The following GRID2IP variants were observed in gnomAD, a reference collection of about 807,000 sequenced individuals.
GRID2IP encodes delphilin.
GRID2IP carries 78 observed loss-of-function variants against 114.3 expected under a neutral mutation model. The observed-to-expected ratio is 0.68, with a 90% CI of 0.57 to 0.82. The LOEUF (loss-of-function observed/expected upper bound fraction) is 0.82, where lower values mean the gene tolerates loss of function less well. GRID2IP is among the 40% of genes least tolerant of loss of function. The pLI, the probability that GRID2IP is intolerant of heterozygous loss-of-function variation, is 0.00. For synonymous variants in GRID2IP, 809 were observed against 724.0 expected (o/e 1.12, Z -1.89); for missense variants, 1,727 against 1,678.5 (o/e 1.03, Z -0.51).
intron 2 of GRID2IP, among the ~76,000 whole-genome samples, chr7:6,538,626 C>G (rs777940107): frequency 2.6e-5 from 4 of 151,988 alleles, no homozygotes; most frequent in Non-Finnish European, 5.9e-5. Flanking sequence ...GTCTGTAATC[C>G]ACACACTTTG....
chr7:6,524,848 C>G (rs965737984), intron 4 of GRID2IP, among the ~76,000 whole-genome samples: 7 of 151,766 alleles, frequency 4.6e-5, no homozygotes, highest in Non-Finnish European at 8.8e-5. Context: ...TCCCGAGTAG[C>G]TGGGACTACA....
Position 6,520,593 on chromosome 7 carries a change from C to T in GRID2IP, c.1253G>A (p.Ser418Asn), listed in dbSNP as rs532236538. Residue 418 changes from serine (S) to asparagine (N), a missense_variant, in exon 7 of 22, where the codon AGC becomes AAC. By Grantham distance (46) the Ser-to-Asn change is conservative (BLOSUM62 1). Transcript: ENST00000457091. The surrounding 1 kb of genome is among the most constrained non-coding windows in gnomAD (Gnocchi z 4.6). ...GCCCGGCCACCTGTGCTGGAAGAAG[C>T]TCTCGAGGGCCCGGCAGACCCCATA... ...ERYGVCRALE[S>N]FFQHRNIDTL... is the part of the protein sequence containing the mutation. 16 of 1,551,206 alleles carry T rather than the reference C, an allele frequency of 1.0e-5. No homozygotes were observed. The East Asian group carries it at 3.9e-4, about 38-fold the overall frequency.
At position 6,523,864 on chromosome 7, in the gene GRID2IP, G is replaced by A. The variant is rs1779457684; in HGVS notation, c.920-1907C>T. On this transcript the variant is annotated intron_variant, in intron 4 of 21. Transcript: ENST00000457091. The surrounding 1 kb of genome is among the most constrained non-coding windows in gnomAD (Gnocchi z 4.5). ...CAAGGCCCTAGGCCAGGTATCTCTG[G>A]CTACACATGTGGGAGAGACTGGGAG... 1.3e-5 allele frequency among the ~76,000 whole-genome samples: 2 copies of A among 152,178 alleles called. No homozygotes were observed. Among genetic ancestry groups the A allele is most frequent in the Non-Finnish European group, 2.9e-5 (2 of 68,038 alleles).
At chr7:6,542,391 C>T (rs1224014227) in intron 1 of GRID2IP, among the ~76,000 whole-genome samples, 2 of 151,506 alleles carry the variant, frequency 1.3e-5, no homozygotes, top group Non-Finnish European at 2.9e-5. Context: ...CAATGGTTCA[C>T]ACCTGTAATC....
At chr7:6,501,747 A>G (rs1312487296) in intron 20 of GRID2IP, 34 bp downstream of exon 20, 2 of 1,489,042 alleles carry the variant, frequency 1.3e-6, no homozygotes, top group East Asian at 4.9e-5. Flanking sequence ...CCCAGGATCC[A>G]GCCTGGTGCA....
rs1786673312 is a variant in GRID2IP at position 6,508,814 on chromosome 7, G to A, written c.2127+144C>T. The A allele has an allele frequency of 7.7e-7, 1 of 1,301,438 alleles. No homozygotes were observed. Among genetic ancestry groups the A allele is most frequent in the East Asian group, 2.6e-5 (1 of 38,736 alleles). 80.6% of individuals were successfully genotyped at this position (1,301,438 alleles called of 1,614,324 possible). A position where few individuals can be genotyped will look rare whatever the true frequency, so the allele number is the denominator to read the frequency against. On this transcript the variant is annotated intron_variant, in intron 12 of 21. Transcript: ENST00000457091. The surrounding 1 kb of genome is among the most constrained non-coding windows in gnomAD (Gnocchi z 5.6). ...ATAGGGTAACCTGGGGCAAGGGGTGGGATAGCTTGAGCTAGGGAGTGGGAT... is the reference window on the plus strand; with the variant it reads ...ATAGGGTAACCTGGGGCAAGGGGTGAGATAGCTTGAGCTAGGGAGTGGGAT...
At chr7:6,513,174 G>T (rs993015224) in intron 8 of GRID2IP, among the ~76,000 whole-genome samples, 1 of 152,118 alleles carries the variant, frequency 6.6e-6, no homozygotes, top group African/African-American at 2.4e-5. Flanking sequence ...ATGTGGTCGT[G>T]TGCTCATGAT....
At chr7:6,543,419 T>C (rs1779842479) in intron 1 of GRID2IP, among the ~76,000 whole-genome samples, 1 of 150,682 alleles carries the variant, frequency 6.6e-6, no homozygotes, top group Non-Finnish European at 1.5e-5. Context: ...GCCCCCTTTG[T>C]AGTCAAGGCC....
At chr7:6,503,199 C>T in intron 16 of GRID2IP, 36 bp from the exon 17 acceptor site, 1 of 1,402,268 alleles carries the variant, frequency 7.1e-7, no homozygotes, top group Non-Finnish European at 9.4e-7. Flanking sequence ...CACCCATCCC[C>T]TTCCTGGGAC....
In GRID2IP at chr7:6,498,236, G is replaced by A. The variant is rs1248513617; in HGVS notation, c.3400-8C>T. 1 of 1,533,708 alleles carries A rather than the reference G, an allele frequency of 6.5e-7. No homozygotes were observed. On this transcript the variant is annotated splice_region_variant and splice_polypyrimidine_tract_variant and intron_variant, in intron 20 of 21. Coordinates refer to ENST00000457091, the MANE Select transcript of GRID2IP (RefSeq NM_001145118.2). ...GGCCGTCTCCAGGAAGGACTGACAG[G>A]CCTCAGTTAAGGAAACAGCCAGCCC...
rs1033341081 is a variant in GRID2IP at position 6,509,416 on chromosome 7, G to A, written c.1772-103C>T. 26 of 1,065,102 alleles carry A rather than the reference G, an allele frequency of 2.4e-5. No individual in the cohort carries two copies. The Admixed American group carries it at 8.6e-4, about 35-fold the overall frequency. 66.0% of individuals were successfully genotyped at this position (1,065,102 alleles called of 1,614,324 possible). A position where few individuals can be genotyped will look rare whatever the true frequency, so the allele number is the denominator to read the frequency against. On this transcript the variant is annotated intron_variant, in intron 11 of 21. Coordinates refer to ENST00000457091, the MANE Select transcript of GRID2IP (RefSeq NM_001145118.2). This position sits in a 1 kb window ranked among gnomAD's most constrained non-coding sequence, Gnocchi z 4.9. ...AGGACAGACTGGCTCTGTGTCCCAG[G>A]CCACTCTCCTTTCCCTCTCTGGGCA... is the stretch of plus-strand genomic sequence containing the variant.
At position 6,551,015 on chromosome 7, in the gene GRID2IP, C is replaced by G. The variant is rs1269032791; in HGVS notation, c.422G>C (p.Ser141Thr). 3 of 1,150,274 alleles carry G rather than the reference C, an allele frequency of 2.6e-6. No homozygotes were observed. The African/African-American group carries it at 4.9e-5, about 19-fold the overall frequency. The allele number at this position is 1,150,274 out of a possible 1,614,324, so 71.3% of individuals were successfully genotyped here. A position where few individuals can be genotyped will look rare whatever the true frequency, so the allele number is the denominator to read the frequency against. Residue 141 changes from serine to threonine, a missense_variant, in exon 1 of 22, where the codon AGC becomes ACC. Ser to Thr is a moderately conservative substitution (Grantham distance 58). Coordinates refer to ENST00000457091, the MANE Select transcript of GRID2IP (RefSeq NM_001145118.2). Reference protein sequence around the residue: ...RERRRKAQEFSRKVDEILGDQ... With the variant: ...RERRRKAQEFTRKVDEILGDQ... Reference sequence around the variant, plus strand: ...CCCACCCCCGCGCCTTACCTTGCGGCTGAACTCTTGGGCCTTGCGCCTGCG... The same window carrying G: ...CCCACCCCCGCGCCTTACCTTGCGGGTGAACTCTTGGGCCTTGCGCCTGCG...
At chr7:6,518,063 TAAAAA>T (rs759501165) in intron 7 of GRID2IP, among the ~76,000 whole-genome samples, 1 of 134,028 alleles carries the variant, frequency 7.5e-6, no homozygotes, top group Admixed American at 7.6e-5. Context: ...CTGTCTCTAC[TAAAAA>T]AAAAAAAAAA....
At chr7:6,505,100 T>A (rs1786538029) in intron 14 of GRID2IP, among the ~76,000 whole-genome samples, 1 of 152,056 alleles carries the variant, frequency 6.6e-6, no homozygotes, top group Non-Finnish European at 1.5e-5. Context: ...GGAAGCCAGG[T>A]CTTTCTGTTC....
chr7:6,526,411 C>T lies in GRID2IP; in HGVS notation c.834-102G>A, dbSNP rs1409643936. The T allele has an allele frequency of 6.6e-7, 1 of 1,508,284 alleles. No individual in the cohort carries two copies. The highest frequency in any genetic ancestry group is 8.9e-7 in the Non-Finnish European group (1 of 1,119,998). The allele number at this position is 1,508,284 out of a possible 1,614,324, so 93.4% of individuals were successfully genotyped here. On this transcript the variant is annotated intron_variant, in intron 3 of 21. Transcript: ENST00000457091. The surrounding 1 kb of genome is among the most constrained non-coding windows in gnomAD (Gnocchi z 7.6). ...CCTCTCCCCTTAACCTCTCCGGCCC[C>T]CTATGCACCCCAGATGCCCAGCCCC...
In GRID2IP at chr7:6,508,913, C is replaced by T. The variant is rs1413863112; in HGVS notation, c.2127+45G>A. 3 of 1,521,392 alleles carry T rather than the reference C, an allele frequency of 2.0e-6. No homozygotes were observed. The highest frequency in any genetic ancestry group is 2.5e-5 in the South Asian group (2 of 80,504). 94.2% of individuals were successfully genotyped at this position (1,521,392 alleles called of 1,614,324 possible). ...AACACTGTTGCCTTGCAGACCGCCA[C>T]ACCTCGCCTCACCCGCCTCCCTCCA... On this transcript the variant is annotated intron_variant, in intron 12 of 21. Transcript: ENST00000457091. This position sits in a 1 kb window ranked among gnomAD's most constrained non-coding sequence, Gnocchi z 5.6.
intron 2 of GRID2IP, among the ~76,000 whole-genome samples, chr7:6,527,912 C>A (rs1030315672): frequency 2.6e-5 from 4 of 152,112 alleles, no homozygotes; most frequent in Admixed American, 2.6e-4. Flanking sequence ...ATGCATGCCA[C>A]CACGACGGCT....
In GRID2IP at chr7:6,536,424, C is replaced by T. The variant is rs1000876594; in HGVS notation, c.584+3294G>A. Among the ~76,000 whole-genome samples the T allele has an allele frequency of 2.0e-5, 3 of 152,256 alleles. No individual in the cohort carries two copies. Among genetic ancestry groups the T allele is most frequent in the South Asian group, 4.1e-4 (2 of 4,834 alleles). On this transcript the variant is annotated intron_variant, in intron 2 of 21. Transcript: ENST00000457091. The surrounding 1 kb of genome is among the most constrained non-coding windows in gnomAD (Gnocchi z 5.3). ...CCAAGGGGGTTCCCCCTCCCGCGCC[C>T]TGCCCGACCCGCTGCCGCAGCTGCC...
intron 1 of GRID2IP, 112 bp downstream of exon 1, chr7:6,550,896 G>A: frequency 8.7e-7 from 1 of 1,149,772 alleles, no homozygotes; most frequent in Non-Finnish European, 1.1e-6. Context: ...TGTTAAATCT[G>A]ACCCCAGAAG....
Sources: allele counts gnomAD v4.1 joint callset (sites outside exome capture counted in the v4.1 genomes callset), GRCh38; gene constraint gnomAD v4.1.1; non-coding constraint Gnocchi (gnomAD v3.1); transcripts MANE v1.5; gene names NCBI Gene and HGNC (gene_info 2026-07-23, HGNC 2026-07-21).